SCLT1: variants seen among roughly 807,000 people sequenced by gnomAD.
SCLT1 encodes sodium channel and clathrin linker 1.
A neutral mutation model predicts 112.8 loss-of-function variants in SCLT1; 78 were observed. That is an observed-to-expected ratio of 0.69 (90% CI 0.58 to 0.83). The LOEUF is 0.83. SCLT1 is among the 40% of genes least tolerant of loss of function. SCLT1 has a pLI of 0.00. For synonymous variants in SCLT1, 257 were observed against 254.7 expected (o/e 1.01, Z -0.09); for missense variants, 747 against 770.4 (o/e 0.97, Z 0.36).
At chr4:129,051,598 T>C (rs1440804564) in intron 2 of SCLT1, among the ~76,000 whole-genome samples, 3 of 152,266 alleles carry the variant, frequency 2.0e-5, no homozygotes, top group Non-Finnish European at 4.4e-5. Flanking sequence ...TTTGCTGAAG[T>C]TGCTTATCAG....
intron 18 of SCLT1, among the ~76,000 whole-genome samples, chr4:128,912,984 A>G (rs1735216376): frequency 2.0e-5 from 3 of 152,256 alleles, no homozygotes; most frequent in Admixed American, 6.5e-5. Context: ...TTTGCTGAGC[A>G]TATCTGGCCA....
At chr4:128,891,338 A>T (rs1235551874) in intron 18 of SCLT1, among the ~76,000 whole-genome samples, 1 of 152,192 alleles carries the variant, frequency 6.6e-6, no homozygotes, top group Non-Finnish European at 1.5e-5. Context: ...GATTAGTTGC[A>T]CAACAATGTG....
intron 8 of SCLT1, among the ~76,000 whole-genome samples, chr4:128,997,523 A>G (rs1743114031): frequency 6.6e-6 from 1 of 151,914 alleles, no homozygotes; most frequent in Admixed American, 6.6e-5. Context: ...TGGGCTATTA[A>G]TTCATTAAAC....
chr4:128,916,573 C>T (rs1373390068), intron 18 of SCLT1, among the ~76,000 whole-genome samples: 1 of 152,184 alleles, frequency 6.6e-6, no homozygotes, highest in Non-Finnish European at 1.5e-5. Flanking sequence ...TACAGGACAT[C>T]CTCAGCACAG....
In SCLT1 at chr4:129,026,387, C is replaced by T. The variant is rs552453039; in HGVS notation, c.290+12654G>A. Among the ~76,000 whole-genome samples the T allele has an allele frequency of 2.6e-3, 394 of 151,956 alleles. 5 individuals carry two copies. Among genetic ancestry groups the T allele is most frequent in the African/African-American group, 9.2e-3 (381 of 41,424 alleles). The stretch of plus-strand genomic sequence containing the variant: ...AGTGCAATCAAACTAGAACTCAGGA[C>T]TAAGAAACTCACTCAAAACCACTCA... On this transcript the variant is annotated intron_variant, in intron 5 of 20. Coordinates refer to ENST00000281142, the MANE Select transcript of SCLT1 (RefSeq NM_144643.4).
chr4:129,042,759 T>C (rs937214185), intron 4 of SCLT1, among the ~76,000 whole-genome samples: 1 of 152,056 alleles, frequency 6.6e-6, no homozygotes, highest in African/African-American at 2.4e-5. Flanking sequence ...AGCAATTCTC[T>C]CACTTCAGCC....
At chr4:129,003,388 A>C (rs1392632484) in intron 6 of SCLT1, among the ~76,000 whole-genome samples, 1 of 151,480 alleles carries the variant, frequency 6.6e-6, no homozygotes, top group Non-Finnish European at 1.5e-5. Context: ...CCTATATAAC[A>C]AACCTGCACG....
At chr4:128,893,390 G>A (rs1481349609) in intron 18 of SCLT1, among the ~76,000 whole-genome samples, 2 of 152,210 alleles carry the variant, frequency 1.3e-5, no homozygotes, top group South Asian at 2.1e-4. Context: ...ATTCATCTTT[G>A]TACTCAACAA....
intron 18 of SCLT1, among the ~76,000 whole-genome samples, chr4:128,915,422 C>CTTAT (rs1407265071): frequency 6.6e-6 from 1 of 152,142 alleles, no homozygotes; most frequent in East Asian, 1.9e-4. Context: ...AATCCTAGTG[C>CTTAT]TTATGTTCAG....
At position 128,970,417 on chromosome 4, in the gene SCLT1, A is replaced by C. The variant is rs1220958708; in HGVS notation, c.738T>G (p.Thr246=). 1 of 1,609,138 alleles carries C rather than the reference A, an allele frequency of 6.2e-7. No homozygotes were observed. Among genetic ancestry groups the C allele is most frequent in the African/African-American group, 1.3e-5 (1 of 74,818 alleles). The change falls in exon 10 of 21, where the codon ACT becomes ACG. Residue 246 remains threonine, a synonymous_variant. Transcript: ENST00000281142. ...RVAVAKVEEL[T]NVTEDLQGQM... ...GTCCCTGCAGATCTTCAGTCACATT[A>C]GTTAACTCTTCCACTTTTGCTACAG...
At chr4:128,965,831 T>A (rs1740135656) in intron 10 of SCLT1, among the ~76,000 whole-genome samples, 1 of 79,828 alleles carries the variant, frequency 1.3e-5, no homozygotes, top group South Asian at 4.1e-4. Context: ...TGCCATAACT[T>A]TTTTTTTTTT....
chr4:129,078,927 G>A (rs920321099), intron 2 of SCLT1, among the ~76,000 whole-genome samples: 5 of 152,168 alleles, frequency 3.3e-5, no homozygotes, highest in Admixed American at 6.5e-5. Context: ...AATGCAGAAG[G>A]TGAAGGGAAA....
chr4:128,897,977 C>A (rs1303410265), intron 18 of SCLT1, among the ~76,000 whole-genome samples: 5 of 152,176 alleles, frequency 3.3e-5, no homozygotes, highest in Non-Finnish European at 7.3e-5. Context: ...AGCTAACTAT[C>A]TTAAATATAT....
chr4:128,944,454 A>C (rs1737971965), intron 16 of SCLT1, among the ~76,000 whole-genome samples: 1 of 152,202 alleles, frequency 6.6e-6, no homozygotes, highest in South Asian at 2.1e-4. Flanking sequence ...TTTAGGAATT[A>C]CATGAGACAG....
intron 7 of SCLT1, among the ~76,000 whole-genome samples, chr4:128,998,973 C>T (rs1203954545): frequency 6.6e-6 from 1 of 151,780 alleles, no homozygotes; most frequent in Non-Finnish European, 1.5e-5. Context: ...CTCCATAGTG[C>T]TCAATGCACC....
chr4:128,914,018 C>A lies in SCLT1; in HGVS notation c.1829+22637G>T, dbSNP rs75841392. On this transcript the variant is annotated intron_variant, in intron 18 of 20. Transcript: ENST00000281142. ...AGAGAAGTGACTAGCTGGCTTACTACTTAGCAGCTATTTCTAAAGCACTGG... is the reference window on the plus strand; with the variant it reads ...AGAGAAGTGACTAGCTGGCTTACTAATTAGCAGCTATTTCTAAAGCACTGG... Among the ~76,000 whole-genome samples the A allele has an allele frequency of 3.3e-3, 500 of 152,296 alleles. 1 individual carries two copies. The highest frequency in any genetic ancestry group is 0.011 in the African/African-American group (461 of 41,560).
intron 9 of SCLT1, among the ~76,000 whole-genome samples, chr4:128,981,605 A>G (rs1302513926): frequency 2.0e-5 from 3 of 151,832 alleles, no homozygotes; most frequent in Admixed American, 6.6e-5. Context: ...AGTCCCTACA[A>G]TTTCATCCTC....
At chr4:129,015,369 G>A (rs535707184) in intron 5 of SCLT1, among the ~76,000 whole-genome samples, 1 of 152,064 alleles carries the variant, frequency 6.6e-6, no homozygotes, top group Non-Finnish European at 1.5e-5. Context: ...GCTATGATGT[G>A]GCTCCCAGGG....
intron 2 of SCLT1, among the ~76,000 whole-genome samples, chr4:129,047,071 T>C (rs947478898): frequency 4.6e-5 from 7 of 152,106 alleles, no homozygotes; most frequent in Admixed American, 1.3e-4. Flanking sequence ...ATTCCATAGC[T>C]TGTCTTTTTA....
Sources: allele counts gnomAD v4.1 joint callset (sites outside exome capture counted in the v4.1 genomes callset), GRCh38; gene constraint gnomAD v4.1.1; transcripts MANE v1.5; gene names NCBI Gene and HGNC (gene_info 2026-07-23, HGNC 2026-07-21).